MAPK14: variants seen among roughly 807,000 people sequenced by gnomAD.
MAPK14 encodes mitogen-activated protein kinase 14.
MAPK14 carries 16 observed loss-of-function variants against 49.6 expected under a neutral mutation model. The ratio of observed to expected loss-of-function variants is 0.32; its 90% CI spans 0.22 to 0.49. The LOEUF (loss-of-function observed/expected upper bound fraction) is 0.49, where lower values mean the gene tolerates loss of function less well. MAPK14 is among the 20% of genes least tolerant of loss of function. The pLI is 0.99. For synonymous variants in MAPK14, 142 were observed against 158.0 expected (o/e 0.90, Z 0.76); for missense variants, 200 against 441.2 (o/e 0.45, Z 4.90).
Position 36,107,370 on chromosome 6 carries a change from G to C in MAPK14, c.842-85G>C, listed in dbSNP as rs1765831143. 1.1e-6 allele frequency: 1 copy of C among 911,582 alleles called. No homozygotes were observed. Among genetic ancestry groups the C allele is most frequent in the East Asian group, 2.6e-5 (1 of 38,236 alleles). The allele number at this position is 911,582 out of a possible 1,614,324, so 56.5% of individuals were successfully genotyped here. A position where few individuals can be genotyped will look rare whatever the true frequency, so the allele number is the denominator to read the frequency against. The stretch of plus-strand genomic sequence containing the variant: ...GGAGAGTTCTTTGTTTGGATATGAA[G>C]GGTCAAAACTATGTTTGCTCAATAA... On this transcript the variant is annotated intron_variant, in intron 10 of 11. Coordinates refer to ENST00000229794, the MANE Select transcript of MAPK14 (RefSeq NM_139012.3). This position sits in a 1 kb window ranked among gnomAD's most constrained non-coding sequence, Gnocchi z 4.3.
At chr6:36,046,674 TA>T (rs1449872868) in intron 1 of MAPK14, among the ~76,000 whole-genome samples, 3 of 152,236 alleles carry the variant, frequency 2.0e-5, no homozygotes, top group South Asian at 2.1e-4. Context: ...TATAAACATG[TA>T]ATAATAAATT....
At chr6:36,059,603 A>C (rs905014758) in intron 3 of MAPK14, among the ~76,000 whole-genome samples, 1 of 152,220 alleles carries the variant, frequency 6.6e-6, no homozygotes, top group Non-Finnish European at 1.5e-5. Context: ...CCATGGAGAA[A>C]GGAGTGGAGA....
At chr6:36,056,787 G>C (rs1368364891) in intron 2 of MAPK14, among the ~76,000 whole-genome samples, 2 of 152,166 alleles carry the variant, frequency 1.3e-5, no homozygotes, top group Non-Finnish European at 2.9e-5. Context: ...GGGCATCTCA[G>C]ATAACAAGAA....
chr6:36,070,570 C>T (rs755507187), intron 3 of MAPK14, among the ~76,000 whole-genome samples: 7 of 152,152 alleles, frequency 4.6e-5, no homozygotes, highest in African/African-American at 1.2e-4. Flanking sequence ...TTTCTTAAAA[C>T]GTTTCAGTCT....
intron 3 of MAPK14, among the ~76,000 whole-genome samples, chr6:36,065,674 G>C (rs532098519): frequency 6.6e-6 from 1 of 152,132 alleles, no homozygotes; most frequent in East Asian, 1.9e-4. Flanking sequence ...AGGGTACTGG[G>C]AACTGGAAAT....
At chr6:36,077,192 G>A (rs771572390) in intron 8 of MAPK14, among the ~76,000 whole-genome samples, 1 of 152,074 alleles carries the variant, frequency 6.6e-6, no homozygotes, top group Non-Finnish European at 1.5e-5. Flanking sequence ...AAGACTTACT[G>A]TCTAGTTTAT....
chr6:36,095,997 G>A lies in MAPK14; in HGVS notation c.693G>A (p.Gln231=), dbSNP rs1354046508. ...TLFPGTDHID[Q]LKLILRLVGT... is the part of the protein sequence containing the mutation. ...ATGGTCCACCATTAGATATTGATCA[G>A]TTGAAGCTCATTTTAAGACTCGTTG... The change falls in exon 9 of 12, where the codon CAG becomes CAA. Residue 231 remains glutamine, a synonymous_variant. Transcript: ENST00000229794. The A allele has an allele frequency of 1.2e-6, 2 of 1,608,264 alleles. No homozygotes were observed. Among genetic ancestry groups the A allele is most frequent in the Non-Finnish European group, 1.7e-6 (2 of 1,174,870 alleles).
intron 8 of MAPK14, among the ~76,000 whole-genome samples, chr6:36,088,040 T>G (rs1312860222): frequency 6.6e-6 from 1 of 152,154 alleles, no homozygotes; most frequent in Non-Finnish European, 1.5e-5. Flanking sequence ...GATTCCCTAT[T>G]TAATAAATGG....
intron 1 of MAPK14, among the ~76,000 whole-genome samples, chr6:36,030,532 A>T (rs1762498456): frequency 6.6e-6 from 1 of 151,872 alleles, no homozygotes. Flanking sequence ...CTAAAAATAC[A>T]AAAAATTAGC....
At chr6:36,063,567 T>A (rs1763916781) in intron 3 of MAPK14, among the ~76,000 whole-genome samples, 1 of 152,192 alleles carries the variant, frequency 6.6e-6, no homozygotes, top group South Asian at 2.1e-4. Flanking sequence ...CCAGCCCAGG[T>A]GACAGAGTGA....
chr6:36,075,218 T>G (rs1213098639), intron 6 of MAPK14, among the ~76,000 whole-genome samples: 1 of 94,334 alleles, frequency 1.1e-5, no homozygotes, highest in African/African-American at 4.5e-5. Flanking sequence ...AGAGCAAGAC[T>G]CCGTCTCAAA....
chr6:36,047,353 G>A (rs1448127129), intron 1 of MAPK14, among the ~76,000 whole-genome samples: 2 of 152,172 alleles, frequency 1.3e-5, no homozygotes. Context: ...TGTCTGAATA[G>A]TTAAAAGAAC....
At chr6:36,039,778 G>T (rs1258335020) in intron 1 of MAPK14, among the ~76,000 whole-genome samples, 2 of 152,106 alleles carry the variant, frequency 1.3e-5, no homozygotes, top group South Asian at 2.1e-4. Flanking sequence ...GCCAAGGTGG[G>T]CGGATCACTT....
intron 8 of MAPK14, among the ~76,000 whole-genome samples, chr6:36,084,255 A>C (rs760270714): frequency 1.3e-5 from 2 of 152,150 alleles, no homozygotes; most frequent in Non-Finnish European, 2.9e-5. Context: ...TCAATGAAAA[A>C]ACGCTGAAAA....
chr6:36,108,838 A>C lies in MAPK14; in HGVS notation c.*391A>C. The C allele has an allele frequency of 4.5e-6, 1 of 223,040 alleles. No homozygotes were observed. Among genetic ancestry groups the C allele is most frequent in the Non-Finnish European group, 9.1e-6 (1 of 109,992 alleles). The allele number at this position is 223,040 out of a possible 1,614,324, so 13.8% of individuals were successfully genotyped here. A position where few individuals can be genotyped will look rare whatever the true frequency, so the allele number is the denominator to read the frequency against. On this transcript the variant is annotated 3_prime_UTR_variant, in exon 12 of 12. Coordinates refer to ENST00000229794, the MANE Select transcript of MAPK14 (RefSeq NM_139012.3). ...TTTTGCCACTTTGGCTTCTCCTGTG[A>C]CCCCACCTTGACGGTGGGGCGTAGA... is the stretch of plus-strand genomic sequence containing the variant.
chr6:36,099,280 T>G (rs1765552847), intron 9 of MAPK14, among the ~76,000 whole-genome samples: 1 of 152,228 alleles, frequency 6.6e-6, no homozygotes, highest in Non-Finnish European at 1.5e-5. Context: ...CTTCTGCTCT[T>G]AGTAGGAACA....
chr6:36,124,150 C>CCCTTCCTTCCTT, the MAPK14 span, among the ~76,000 whole-genome samples: 2,977 of 28,922 alleles, frequency 0.1, 519 homozygotes, highest in East Asian at 0.56. Context: ...CTCCCTCCCT[C>CCCTTCCTTCCTT]CCTTCCTTCC....
At position 36,028,362 on chromosome 6, in the gene MAPK14, A is replaced by C; in HGVS notation, c.116+89A>C. 1 of 902,960 alleles carries C rather than the reference A, an allele frequency of 1.1e-6. No homozygotes were observed. The highest frequency in any genetic ancestry group is 1.5e-5 in the South Asian group (1 of 68,788). 55.9% of individuals were successfully genotyped at this position (902,960 alleles called of 1,614,324 possible). The stretch of plus-strand genomic sequence containing the variant: ...CTGCTCCACTGCTCAGCGTTGCGTC[A>C]AGTGGCAGGAATTTTCCTCGGGGGA... On this transcript the variant is annotated intron_variant, in intron 1 of 11. Transcript: ENST00000229794. This position sits in a 1 kb window ranked among gnomAD's most constrained non-coding sequence, Gnocchi z 5.1.
rs925123454 is a variant in MAPK14, at chr6:36,028,171, G to C, written c.14G>C (p.Arg5Thr). 1 of 1,613,208 alleles carries C rather than the reference G, an allele frequency of 6.2e-7. No homozygotes were observed. The highest frequency in any genetic ancestry group is 8.5e-7 in the Non-Finnish European group (1 of 1,179,474). ...TGCCGCTGGAAAATGTCTCAGGAGAGGCCCACGTTCTACCGGCAGGAGCTG... is the reference window on the plus strand; with the variant it reads ...TGCCGCTGGAAAATGTCTCAGGAGACGCCCACGTTCTACCGGCAGGAGCTG... MSQE[R>T]PTFYRQELNK... The change falls in exon 1 of 12, where the codon AGG (arginine) becomes ACG (threonine). Residue 5 changes from arginine to threonine, a missense_variant. Around this residue, in one of 2 missense-constraint regions of MAPK14, gnomAD observed 30 missense variants for 34.2 expected, o/e 0.88. Coordinates refer to ENST00000229794, the MANE Select transcript of MAPK14 (RefSeq NM_139012.3). This position sits in a 1 kb window ranked among gnomAD's most constrained non-coding sequence, Gnocchi z 5.1.
Sources: gnomAD v4.1 joint callset for allele counts (sites outside exome capture counted in the v4.1 genomes callset) on GRCh38, gnomAD v4.1.1 for gene constraint, gnomAD v4.1.1 regional missense constraint, Gnocchi (gnomAD v3.1) non-coding constraint, MANE v1.5 for transcripts, NCBI Gene and HGNC (gene_info 2026-07-23, HGNC 2026-07-21) for gene names.